ERMP1: variants seen among roughly 807,000 people sequenced by gnomAD.
The protein encoded by ERMP1 is Felix-ina.
In ERMP1, 86 loss-of-function variants were observed where a neutral mutation model predicts 92.0. The ratio of observed to expected loss-of-function variants is 0.93; its 90% CI spans 0.79 to 1.12. The LOEUF is 1.12. Among genes scored for constraint, ERMP1 ranks in the 50% most tolerant of loss-of-function variants. The pLI, the probability that ERMP1 is intolerant of heterozygous loss-of-function variation, is 0.00. For synonymous variants in ERMP1, 530 were observed against 412.8 expected (o/e 1.28, Z -3.44); for missense variants, 1,342 against 1,116.3 (o/e 1.20, Z -2.88).
chr9:5,789,294 C>A (rs1319187170), intron 13 of ERMP1, among the ~76,000 whole-genome samples: 3 of 151,354 alleles, frequency 2.0e-5, no homozygotes, highest in Admixed American at 1.3e-4. Context: ...AAATAACTTA[C>A]AAAAAAAATT....
Position 5,798,905 on chromosome 9 carries a change from G to C in ERMP1, c.2171C>G (p.Pro724Arg). 1 of 1,612,722 alleles carries C rather than the reference G, an allele frequency of 6.2e-7. No individual in the cohort carries two copies. The highest frequency in any genetic ancestry group is 8.5e-7 in the Non-Finnish European group (1 of 1,178,726). ...FDYTGISHIT[P>R]HIPEINDSIR... Reference sequence around the variant, plus strand: ...ACTATCATTGATCTCAGGAATGTGAGGGGTTATGTGAGAAATTCCAGTATA... The same window carrying C: ...ACTATCATTGATCTCAGGAATGTGACGGGTTATGTGAGAAATTCCAGTATA... The change falls in exon 12 of 15, where the codon CCT becomes CGT. Residue 724 changes from proline (P) to arginine (R), a missense_variant. Transcript: ENST00000339450.
At chr9:5,852,270 GT>G (rs906746627) in intron 6 of ERMP1, among the ~76,000 whole-genome samples, 31 of 145,406 alleles carry the variant, frequency 2.1e-4, no homozygotes, top group African/African-American at 6.6e-4. Context: ...TTGTTTTTTT[GT>G]TTTTTTTTTC....
At chr9:5,831,758 G>A (rs1829948489) in intron 1 of ERMP1, among the ~76,000 whole-genome samples, 1 of 152,120 alleles carries the variant, frequency 6.6e-6, no homozygotes, top group Non-Finnish European at 1.5e-5. Flanking sequence ...TAAGGCGGGC[G>A]GGGGAAACTT....
chr9:5,804,899 T>C (rs1038356529), intron 10 of ERMP1, 128 bp downstream of exon 10: 1 of 696,030 alleles, frequency 1.4e-6, no homozygotes, highest in Non-Finnish European at 2.4e-6. Flanking sequence ...TGGCCATTCA[T>C]TCACCATTTC....
In ERMP1 at chr9:5,833,058, C is replaced by T; in HGVS notation, c.-31G>A. On this transcript the variant is annotated 5_prime_UTR_variant, in exon 1 of 15. Transcript: ENST00000339450. The stretch of plus-strand genomic sequence containing the variant: ...CGAGCCTCAGCTGCCAGCCCAACCG[C>T]CCCAACCCGCGACAGCCCCGGCCGC... The T allele has an allele frequency of 2.1e-6, 3 of 1,429,922 alleles. No homozygotes were observed. Among genetic ancestry groups the T allele is most frequent in the South Asian group, 1.5e-5 (1 of 65,940 alleles). 88.6% of individuals were successfully genotyped at this position (1,429,922 alleles called of 1,614,324 possible). A position where few individuals can be genotyped will look rare whatever the true frequency, so the allele number is the denominator to read the frequency against.
intron 12 of ERMP1, among the ~76,000 whole-genome samples, chr9:5,798,339 C>G (rs2131213989): frequency 6.6e-6 from 1 of 152,238 alleles, no homozygotes; most frequent in South Asian, 2.1e-4. Flanking sequence ...GCCTCAGCCT[C>G]CCGAGTACCT....
chr9:5,803,250 TAA>T (rs1360021405), intron 10 of ERMP1, among the ~76,000 whole-genome samples: 2 of 152,276 alleles, frequency 1.3e-5, no homozygotes, highest in East Asian at 3.9e-4. Flanking sequence ...AGAAAATAAT[TAA>T]AAGAGTGATA....
intron 13 of ERMP1, 101 bp from the exon 14 acceptor site, chr9:5,787,694 A>AAC: frequency 8.5e-7 from 1 of 1,170,638 alleles, no homozygotes; most frequent in Non-Finnish European, 1.2e-6. Context: ...TGCCTGCATG[A>AAC]CTTTAAATAT....
upstream of ERMP1, chr9:5,833,163 C>A: frequency 5.0e-6 from 4 of 794,848 alleles, no homozygotes; most frequent in Non-Finnish European, 7.3e-6. Flanking sequence ...TTCTGATTGG[C>A]CCGTCCCGCC....
At chr9:5,858,139 G>A (rs982280750) in intron 6 of ERMP1, among the ~76,000 whole-genome samples, 1 of 152,244 alleles carries the variant, frequency 6.6e-6, no homozygotes, top group Non-Finnish European at 1.5e-5. Context: ...AAGTAGGGCA[G>A]TGAGCATGGC....
At chr9:5,845,107 G>A (rs939411974) in intron 6 of ERMP1, among the ~76,000 whole-genome samples, 9 of 150,782 alleles carry the variant, frequency 6.0e-5, no homozygotes, top group African/African-American at 9.8e-5. Flanking sequence ...TTGAATCATC[G>A]TGTTTTGTTT....
intron 4 of ERMP1, among the ~76,000 whole-genome samples, chr9:5,817,338 C>A (rs56023985): frequency 3.3e-5 from 5 of 151,828 alleles, no homozygotes; most frequent in African/African-American, 1.2e-4. Context: ...TACAAGCGCC[C>A]GCCACCATGC....
At chr9:5,810,418 C>G (rs1202785995) in intron 7 of ERMP1, among the ~76,000 whole-genome samples, 187 bp from the exon 8 acceptor site, 1 of 152,084 alleles carries the variant, frequency 6.6e-6, no homozygotes, top group Admixed American at 6.5e-5. Flanking sequence ...TAATAATATT[C>G]AGGTAACATT....
upstream of ERMP1, among the ~76,000 whole-genome samples, chr9:5,836,760 C>A (rs1335971096): frequency 6.6e-6 from 1 of 152,150 alleles, no homozygotes; most frequent in Non-Finnish European, 1.5e-5. Context: ...ATGGTCAGCT[C>A]CACGGATCAC....
chr9:5,834,979 GTGT>G (rs1563776718), upstream of ERMP1, among the ~76,000 whole-genome samples: 4 of 13,964 alleles, frequency 2.9e-4, no homozygotes, highest in African/African-American at 6.5e-4. Flanking sequence ...ATAGATAGAT[GTGT>G]GTGTGTGTGT....
chr9:5,823,399 T>A (rs1454417305), intron 4 of ERMP1, among the ~76,000 whole-genome samples: 2 of 152,250 alleles, frequency 1.3e-5, no homozygotes, highest in African/African-American at 4.8e-5. Context: ...TTTTCTCATT[T>A]TAACTCATGA....
In ERMP1 at chr9:5,785,567, C is replaced by G. The variant is rs1827901905; in HGVS notation, c.*1577G>C. 1 of 152,368 alleles carries G rather than the reference C, an allele frequency of 6.6e-6. No individual in the cohort carries two copies. The highest frequency in any genetic ancestry group is 1.5e-5 in the Non-Finnish European group (1 of 68,038). 9.4% of individuals were successfully genotyped at this position (152,368 alleles called of 1,614,324 possible). On this transcript the variant is annotated 3_prime_UTR_variant, in exon 15 of 15. Coordinates refer to ENST00000339450, the MANE Select transcript of ERMP1 (RefSeq NM_024896.3). ...TGGTTGCAGCCCCATCTACATGGGC[C>G]CAGTTAGTTTTTAGGGAGTCACAGA...
chr9:5,859,275 A>ATTAT (rs55964692), intron 6 of ERMP1, among the ~76,000 whole-genome samples: 86,851 of 151,714 alleles, frequency 0.57, 25,672 homozygotes, highest in South Asian at 0.69. Context: ...ACTTTGGCAA[A>ATTAT]GGGAGCTCTT....
intron 4 of ERMP1, among the ~76,000 whole-genome samples, chr9:5,815,494 C>CAAAAA (rs3068691): frequency 1.4e-4 from 14 of 97,396 alleles, no homozygotes; most frequent in East Asian, 7.4e-4. Context: ...ACTGAAATAA[C>CAAAAA]AAAAAAAAAA....
Sources: allele counts gnomAD v4.1 joint callset (sites outside exome capture counted in the v4.1 genomes callset), GRCh38; gene constraint gnomAD v4.1.1; transcripts MANE v1.5; gene names NCBI Gene and HGNC (gene_info 2026-07-23, HGNC 2026-07-21).